Variants in CADPS observed in about 807,000 individuals in gnomAD.
CADPS encodes calcium-dependent secretion activator 1.
A neutral mutation model predicts 167.3 loss-of-function variants in CADPS; 57 were observed. The ratio of observed to expected loss-of-function variants is 0.34; its 90% confidence interval spans 0.28 to 0.42. The LOEUF (loss-of-function observed/expected upper bound fraction) is 0.42. CADPS is among the 20% of genes least tolerant of loss of function. CADPS has a pLI of 1.00. For missense variants in CADPS, 1,414 were observed against 1,738.1 expected (o/e 0.81, Z 3.32); for synonymous variants, 676 against 635.3 (o/e 1.06, Z -0.96).
At chr3:62,691,200 A>G (rs1563902594) in intron 3 of CADPS, among the ~76,000 whole-genome samples, 1 of 151,960 alleles carries the variant, frequency 6.6e-6, no homozygotes, top group Admixed American at 6.6e-5. Flanking sequence ...AGAACAGAGG[A>G]TTTTTTAGGA....
In CADPS at chr3:62,651,057, T is replaced by G. The variant is rs371108018; in HGVS notation, c.993A>C (p.Val331=). The change falls in exon 5 of 30, where the codon GTA becomes GTC. Residue 331 remains valine (V), a synonymous_variant. Transcript: ENST00000383710. ...TGTACATGTTTTCCATTTCTTTGGA[T>G]ACAAACTTGGGAAATTTGCGTTCCT... ...IARERKFPKF[V]SKEMENMYIE... 6.2e-7 allele frequency: 1 copy of G among 1,613,604 alleles called. No homozygotes were observed. Among genetic ancestry groups the G allele is most frequent in the Admixed American group, 1.7e-5 (1 of 59,956 alleles).
intron 1 of CADPS, among the ~76,000 whole-genome samples, chr3:62,774,065 C>T (rs1430882367): frequency 1.3e-5 from 2 of 151,708 alleles, no homozygotes; most frequent in Non-Finnish European, 2.9e-5. Context: ...TTGTCCCAAC[C>T]AACAATTATC....
intron 1 of CADPS, among the ~76,000 whole-genome samples, chr3:62,820,987 G>C (rs2094887863): frequency 6.6e-6 from 1 of 151,938 alleles, no homozygotes; most frequent in African/African-American, 2.4e-5. Flanking sequence ...TTTTAGTACA[G>C]ATGGGGTTTC....
intron 9 of CADPS, among the ~76,000 whole-genome samples, chr3:62,570,079 G>C (rs2081008869): frequency 6.6e-6 from 1 of 152,240 alleles, no homozygotes; most frequent in South Asian, 2.1e-4. Flanking sequence ...GCCTTGTTAA[G>C]AATAGCCCAA....
At chr3:62,695,037 T>G (rs2080015424) in intron 3 of CADPS, among the ~76,000 whole-genome samples, 1 of 152,092 alleles carries the variant, frequency 6.6e-6, no homozygotes, top group African/African-American at 2.4e-5. Flanking sequence ...CTCTGCTGGT[T>G]TCCACATCTT....
chr3:62,740,070 T>C (rs2079868700), intron 3 of CADPS, among the ~76,000 whole-genome samples: 1 of 152,232 alleles, frequency 6.6e-6, no homozygotes. Flanking sequence ...TGTGAACTGA[T>C]TGGGGTTCTG....
At chr3:62,531,285 A>T (rs1173716270) in intron 13 of CADPS, among the ~76,000 whole-genome samples, 1 of 152,094 alleles carries the variant, frequency 6.6e-6, no homozygotes. Flanking sequence ...ATAGTCATCA[A>T]AGTGTACATA....
chr3:62,578,884 T>G (rs1377333753), intron 8 of CADPS, among the ~76,000 whole-genome samples: 1 of 152,148 alleles, frequency 6.6e-6, no homozygotes, highest in Non-Finnish European at 1.5e-5. Flanking sequence ...ATTTGATTAG[T>G]CTAGTCCAGT....
Position 62,601,099 on chromosome 3 carries a change from A to G in CADPS, c.1326-8351T>C, listed in dbSNP as rs965175842. On this transcript the variant is annotated intron_variant, in intron 6 of 29. Transcript: ENST00000383710. The surrounding 1 kb of genome is among the most constrained non-coding windows in gnomAD (Gnocchi z 4.3). ...AGTCTTCATTTTAGGATTATAGACC[A>G]GGGGTTGTTAAACTATGGCCATGGG... is the stretch of plus-strand genomic sequence containing the variant. Among the ~76,000 whole-genome samples, 30 of 152,218 alleles carry G rather than the reference A, an allele frequency of 2.0e-4. 1 individual carries two copies. Among genetic ancestry groups the G allele is most frequent in the Non-Finnish European group, 3.5e-4 (24 of 68,032 alleles).
intron 1 of CADPS, among the ~76,000 whole-genome samples, chr3:62,867,454 T>G (rs907374021): frequency 6.6e-6 from 1 of 152,210 alleles, no homozygotes; most frequent in South Asian, 2.1e-4. Context: ...AAGTGAGCTT[T>G]TGAAGCCAGA....
intron 1 of CADPS, among the ~76,000 whole-genome samples, chr3:62,812,537 C>T (rs1192420112): frequency 6.6e-6 from 1 of 152,158 alleles, no homozygotes; most frequent in Non-Finnish European, 1.5e-5. Flanking sequence ...CATCAAGAGT[C>T]ATTCAGCTTC....
chr3:62,661,024 A>G (rs145068758), intron 4 of CADPS, among the ~76,000 whole-genome samples: 1 of 152,308 alleles, frequency 6.6e-6, no homozygotes, highest in African/African-American at 2.4e-5. Context: ...GGCTGTTTTG[A>G]GGATTGACTG....
chr3:62,549,969 G>T lies in CADPS; in HGVS notation c.1900C>A (p.Gln634Lys). Reference sequence around the variant, plus strand: ...CCCTTGGCGTTGAGTTTCTGGACTTGGGTCGGGGGCACAGGCTTGTGTGAC... The same window carrying T: ...CCCTTGGCGTTGAGTTTCTGGACTTTGGTCGGGGGCACAGGCTTGTGTGAC... Reference protein sequence around the residue: ...GQSHKPVPPTQVQKLNAKGGN... With the variant: ...GQSHKPVPPTKVQKLNAKGGN... Residue 634 changes from glutamine to lysine, a missense_variant, in exon 11 of 30, where the codon CAA (glutamine) becomes AAA (lysine). Physicochemically the swap from Gln to Lys is moderately conservative, Grantham distance 53. Coordinates refer to ENST00000383710, the MANE Select transcript of CADPS (RefSeq NM_003716.4). The T allele has an allele frequency of 6.2e-7, 1 of 1,614,090 alleles. No individual in the cohort carries two copies. Among genetic ancestry groups the T allele is most frequent in the South Asian group, 1.1e-5 (1 of 91,082 alleles).
intron 5 of CADPS, among the ~76,000 whole-genome samples, chr3:62,646,280 T>G (rs1433406818): frequency 2.6e-5 from 4 of 151,610 alleles, no homozygotes. Flanking sequence ...TTCTCCTGCG[T>G]CGGCCTCCTG....
At chr3:62,547,440 C>T (rs879267295) in intron 11 of CADPS, among the ~76,000 whole-genome samples, 7 of 152,086 alleles carry the variant, frequency 4.6e-5, no homozygotes, top group Admixed American at 6.6e-5. Flanking sequence ...GAAGAACTCC[C>T]GTTCCTCGGC....
At chr3:62,486,336 T>C (rs1163693515) in intron 21 of CADPS, among the ~76,000 whole-genome samples, 1 of 150,982 alleles carries the variant, frequency 6.6e-6, no homozygotes, top group East Asian at 2.0e-4. Context: ...TCCCAGCTAC[T>C]TGGGAGGCTG....
chr3:62,852,048 T>C (rs2078711316), intron 1 of CADPS, among the ~76,000 whole-genome samples: 1 of 148,014 alleles, frequency 6.8e-6, no homozygotes. Context: ...CTGATACCCT[T>C]TCTTCCAGTT....
chr3:62,565,817 A>G (rs2080059178), intron 9 of CADPS, among the ~76,000 whole-genome samples: 1 of 152,182 alleles, frequency 6.6e-6, no homozygotes, highest in Admixed American at 6.5e-5. Flanking sequence ...AAGTCCGTTT[A>G]TAGTCTAAAA....
chr3:62,862,878 T>C (rs1364455828), intron 1 of CADPS, among the ~76,000 whole-genome samples: 1 of 152,222 alleles, frequency 6.6e-6, no homozygotes, highest in Non-Finnish European at 1.5e-5. Flanking sequence ...CTGTAGCCCA[T>C]TCCAACCAGT....
Sources: allele counts gnomAD v4.1 joint callset (sites outside exome capture counted in the v4.1 genomes callset), GRCh38; gene constraint gnomAD v4.1.1; non-coding constraint Gnocchi (gnomAD v3.1); transcripts MANE v1.5; gene names NCBI Gene and HGNC (gene_info 2026-07-23, HGNC 2026-07-21).